Variants in MDGA2 observed in about 807,000 individuals in gnomAD.
MDGA2 encodes the protein MAM domain-containing glycosylphosphatidylinositol anchor protein 2.
Under a neutral mutation model 117.8 loss-of-function variants are expected in MDGA2, and 40 were observed. That is an observed-to-expected ratio of 0.34 (90% CI 0.26 to 0.44). The LOEUF (loss-of-function observed/expected upper bound fraction) is 0.44. MDGA2 is among the 20% of genes least tolerant of loss of function. MDGA2 has a pLI of 1.00. For synonymous variants in MDGA2, 452 were observed against 439.0 expected, an observed-to-expected ratio of 1.03 and a Z score of -0.37; for missense variants, 1,123 against 1,250.6, an observed-to-expected ratio of 0.90 and a Z score of 1.54.
At chr14:47,379,366 C>T (rs1891555170) in intron 1 of MDGA2, among the ~76,000 whole-genome samples, 1 of 152,114 alleles carries the variant, frequency 6.6e-6, no homozygotes, top group African/African-American at 2.4e-5. Flanking sequence ...TCATACATAA[C>T]AATATTAGCC....
At chr14:47,448,669 T>G (rs2138565203) in intron 1 of MDGA2, among the ~76,000 whole-genome samples, 1 of 152,278 alleles carries the variant, frequency 6.6e-6, no homozygotes, top group African/African-American at 2.4e-5. Flanking sequence ...ATTTGTATGC[T>G]TTATAAAACA....
intron 7 of MDGA2, among the ~76,000 whole-genome samples, chr14:47,060,776 A>G (rs1269204671): frequency 6.6e-6 from 1 of 152,200 alleles, no homozygotes; most frequent in African/African-American, 2.4e-5. Flanking sequence ...CAACTTTAAC[A>G]TATCAATTTT....
rs1010339128 is a variant in MDGA2 at position 47,260,683 on chromosome 14, C to T, written c.420+40728G>A. Among the ~76,000 whole-genome samples, 7 of 151,960 alleles carry T rather than the reference C, an allele frequency of 4.6e-5. No homozygotes were observed. In the East Asian group the frequency reaches 1.4e-3, roughly 29 times the overall value. Reference sequence around the variant, plus strand: ...TCCCTGTAATATTTAGATCAGCATCCTTCTTAGAGTTCTCTGAACATACAT... The same window carrying T: ...TCCCTGTAATATTTAGATCAGCATCTTTCTTAGAGTTCTCTGAACATACAT... On this transcript the variant is annotated intron_variant, in intron 2 of 16. Coordinates refer to ENST00000399232, the MANE Select transcript of MDGA2 (RefSeq NM_001113498.3).
At chr14:47,288,952 T>C (rs1030860260) in intron 2 of MDGA2, among the ~76,000 whole-genome samples, 2 of 152,156 alleles carry the variant, frequency 1.3e-5, no homozygotes, top group Admixed American at 1.3e-4. Context: ...GAGCGTAATT[T>C]AGAATAAATG....
At chr14:47,133,398 C>G (rs1882304551) in intron 4 of MDGA2, among the ~76,000 whole-genome samples, 1 of 151,822 alleles carries the variant, frequency 6.6e-6, no homozygotes, top group Non-Finnish European at 1.5e-5. Context: ...TACATCTTAC[C>G]TCTCCTACCT....
intron 2 of MDGA2, 134 bp from the exon 3 acceptor site, chr14:47,218,329 A>T (rs1886175818): frequency 5.2e-6 from 4 of 765,762 alleles, no homozygotes; most frequent in Admixed American, 3.3e-5. Context: ...TGAAGAAAAA[A>T]TTAATGTTTA....
rs148494590 is a variant in MDGA2 at position 47,215,591 on chromosome 14, T to C, written c.595+2430A>G. Among the ~76,000 whole-genome samples, 304 of 152,208 alleles carry C rather than the reference T, an allele frequency of 2.0e-3. 2 individuals carry two copies. Among genetic ancestry groups the C allele is most frequent in the African/African-American group, 6.8e-3 (284 of 41,542 alleles). Reference sequence around the variant, plus strand: ...AAAGGATGTTTGAAAATTTACTATCTGAAGGAATTAATTTATTCAAGCCAT... The same window carrying C: ...AAAGGATGTTTGAAAATTTACTATCCGAAGGAATTAATTTATTCAAGCCAT... On this transcript the variant is annotated intron_variant, in intron 3 of 16. Coordinates refer to ENST00000399232, the MANE Select transcript of MDGA2 (RefSeq NM_001113498.3).
chr14:47,502,387 C>G (rs1217843938), intron 1 of MDGA2, among the ~76,000 whole-genome samples: 1 of 152,078 alleles, frequency 6.6e-6, no homozygotes, highest in African/African-American at 2.4e-5. Flanking sequence ...AATGATCACA[C>G]TGATGAAATT....
At chr14:47,086,940 T>G (rs1890923322) in intron 6 of MDGA2, among the ~76,000 whole-genome samples, 1 of 152,174 alleles carries the variant, frequency 6.6e-6, no homozygotes, top group Non-Finnish European at 1.5e-5. Context: ...TGCATAAGTG[T>G]ATGAACTCTA....
rs143717110 is a variant in MDGA2 at position 47,052,028 on chromosome 14, G to A, written c.1525+9221C>T. On this transcript the variant is annotated intron_variant, in intron 7 of 16. Transcript: ENST00000399232. ...ATTGTTAACTATAAATCTGGTGGAA[G>A]CATTTATTCTTTATCAGCGAATGGA... Among the ~76,000 whole-genome samples the A allele has an allele frequency of 9.9e-4, 150 of 151,984 alleles. 2 individuals are homozygous for A. Among genetic ancestry groups the A allele is most frequent in the African/African-American group, 3.4e-3 (142 of 41,528 alleles).
chr14:47,481,443 C>T (rs1049135576), intron 1 of MDGA2, among the ~76,000 whole-genome samples: 5 of 151,824 alleles, frequency 3.3e-5, no homozygotes, highest in African/African-American at 1.2e-4. Context: ...ATATTAATAG[C>T]GAAGAGGAAT....
At chr14:47,456,323 G>A (rs959413596) in intron 1 of MDGA2, among the ~76,000 whole-genome samples, 5 of 130,160 alleles carry the variant, frequency 3.8e-5, no homozygotes, top group African/African-American at 8.7e-5. Flanking sequence ...AAGGAGTTTC[G>A]CTCTTATTGC....
At chr14:47,464,408 G>T (rs975803066) in intron 1 of MDGA2, among the ~76,000 whole-genome samples, 1 of 152,040 alleles carries the variant, frequency 6.6e-6, no homozygotes, top group Non-Finnish European at 1.5e-5. Context: ...ATCTCTCTTT[G>T]CAAATGACAT....
chr14:46,956,648 G>GAAAA (rs34551284), intron 9 of MDGA2, among the ~76,000 whole-genome samples: 10 of 146,350 alleles, frequency 6.8e-5, no homozygotes, highest in African/African-American at 2.5e-4. Context: ...GATTTGAATA[G>GAAAA]AAAAAAAAAA....
intron 2 of MDGA2, among the ~76,000 whole-genome samples, chr14:47,278,413 C>T (rs982958783): frequency 6.6e-6 from 1 of 152,056 alleles, no homozygotes; most frequent in African/African-American, 2.4e-5. Context: ...AAGCTGGCTA[C>T]AGCTCTGGGA....
chr14:47,652,386 C>A (rs1897661590), intron 1 of MDGA2, among the ~76,000 whole-genome samples: 1 of 152,070 alleles, frequency 6.6e-6, no homozygotes, highest in Non-Finnish European at 1.5e-5. Flanking sequence ...GAAATCGGAA[C>A]TTTTACTATA....
At chr14:46,856,273 A>G (rs1881264944) in intron 14 of MDGA2, among the ~76,000 whole-genome samples, 1 of 152,128 alleles carries the variant, frequency 6.6e-6, no homozygotes, top group African/African-American at 2.4e-5. Context: ...TATTGAGGCA[A>G]AATTTACATG....
intron 5 of MDGA2, among the ~76,000 whole-genome samples, chr14:47,120,022 CAAAG>C (rs1881565289): frequency 6.6e-6 from 1 of 152,124 alleles, no homozygotes; most frequent in Non-Finnish European, 1.5e-5. Flanking sequence ...GCCAGCAAAA[CAAAG>C]AAAATTGGTT....
chr14:47,024,766 T>C lies in MDGA2; in HGVS notation c.1819+10245A>G, dbSNP rs556515811. Among the ~76,000 whole-genome samples the C allele has an allele frequency of 7.2e-5, 11 of 152,312 alleles. No individual in the cohort carries two copies. In the South Asian group the frequency reaches 1.9e-3, roughly 26 times the overall value. On this transcript the variant is annotated intron_variant, in intron 8 of 16. Coordinates refer to ENST00000399232, the MANE Select transcript of MDGA2 (RefSeq NM_001113498.3). ...CCACCTTTAAAATGTCTTAATGGTA[T>C]ATAATCAAGGAGATTTTATTTTAAT... is the stretch of plus-strand genomic sequence containing the variant.
Sources: gnomAD v4.1 joint callset for allele counts (sites outside exome capture counted in the v4.1 genomes callset) on GRCh38, gnomAD v4.1.1 for gene constraint, MANE v1.5 for transcripts, NCBI Gene and HGNC (gene_info 2026-07-23, HGNC 2026-07-21) for gene names.